The following CFAP61 variants were observed in gnomAD, a reference collection of about 807,000 sequenced individuals.
CFAP61 encodes the protein cilia and flagella associated protein 61.
A neutral mutation model predicts 135.6 loss-of-function variants in CFAP61; 107 were observed. The ratio of observed to expected loss-of-function variants is 0.79; its 90% CI spans 0.67 to 0.93. CFAP61 has a LOEUF of 0.93. Among genes scored for constraint, CFAP61 ranks in the 40% least tolerant of loss-of-function variants. The pLI is 0.00. For missense variants in CFAP61, 1,507 were observed against 1,556.2 expected (o/e 0.97, Z 0.53); for synonymous variants, 575 against 578.5 (o/e 0.99, Z 0.09).
chr20:20,090,844 G>T lies in CFAP61; in HGVS notation c.567G>T (p.Arg189Ser), dbSNP rs776491977. ...HYPQLHVRKA[R>S]VEDHDDLMPI... Reference sequence around the variant, plus strand: ...GAACTTCAGCCTTTCTATTAAACAGGGTGGAAGACCATGACGATCTCATGC... The same window carrying T: ...GAACTTCAGCCTTTCTATTAAACAGTGTGGAAGACCATGACGATCTCATGC... The change falls in exon 7 of 27, where the codon AGG becomes AGT. Residue 189 changes from arginine to serine, a missense_variant and splice_region_variant. By Grantham distance (110) the Arg-to-Ser change is moderately radical. Transcript: ENST00000245957. The T allele has an allele frequency of 7.4e-6, 12 of 1,613,964 alleles. No homozygotes were observed. The highest frequency in any genetic ancestry group is 2.5e-6 in the Non-Finnish European group (3 of 1,179,984).
chr20:20,159,122 A>C (rs903453140), intron 9 of CFAP61, among the ~76,000 whole-genome samples: 1 of 152,244 alleles, frequency 6.6e-6, no homozygotes, highest in Non-Finnish European at 1.5e-5. Context: ...AGGCACCTGC[A>C]CTATGCAAAG....
intron 13 of CFAP61, chr20:20,172,165 T>TA: frequency 1.2e-6 from 1 of 856,900 alleles, no homozygotes; most frequent in Non-Finnish European, 1.4e-6. Flanking sequence ...ATCTAGTTTT[T>TA]ATCTTGTGTA....
chr20:20,058,164 C>T (rs1214480485), intron 2 of CFAP61, among the ~76,000 whole-genome samples: 1 of 152,054 alleles, frequency 6.6e-6, no homozygotes, highest in Non-Finnish European at 1.5e-5. Context: ...CTAATTACCC[C>T]CCTGATGAAT....
chr20:20,144,050 C>T (rs115146811), intron 9 of CFAP61, among the ~76,000 whole-genome samples: 89 of 152,236 alleles, frequency 5.8e-4, no homozygotes, highest in African/African-American at 1.9e-3. Context: ...GAGAGGGCAC[C>T]GCTCCAGTCC....
At chr20:20,085,805 G>A (rs766015651) in intron 6 of CFAP61, among the ~76,000 whole-genome samples, 6 of 152,132 alleles carry the variant, frequency 3.9e-5, no homozygotes, top group Non-Finnish European at 7.4e-5. Context: ...TTGGCAAAAC[G>A]TTTGAAAATG....
At chr20:20,279,500 G>A (rs897802621) in intron 22 of CFAP61, among the ~76,000 whole-genome samples, 1 of 152,122 alleles carries the variant, frequency 6.6e-6, no homozygotes, top group African/African-American at 2.4e-5. Flanking sequence ...TCATTAGGTG[G>A]AAGTGGATCA....
chr20:20,342,518 C>G (rs2058482938), intron 26 of CFAP61, among the ~76,000 whole-genome samples: 1 of 152,216 alleles, frequency 6.6e-6, no homozygotes, highest in South Asian at 2.1e-4. Context: ...GAATCTCTAG[C>G]AGAACTGTGG....
At chr20:20,163,431 G>A (rs2053561483) in intron 10 of CFAP61, among the ~76,000 whole-genome samples, 1 of 151,992 alleles carries the variant, frequency 6.6e-6, no homozygotes, top group African/African-American at 2.4e-5. Flanking sequence ...AACAGCTTTG[G>A]GGACAGAGGG....
Position 20,052,542 on chromosome 20 carries a change from T to C in CFAP61, c.-86T>C. 6.2e-7 allele frequency: 1 copy of C among 1,614,154 alleles called. No individual in the cohort carries two copies. Among genetic ancestry groups the C allele is most frequent in the East Asian group, 2.2e-5 (1 of 44,864 alleles). On this transcript the variant is annotated 5_prime_UTR_variant, in exon 1 of 27. Coordinates refer to ENST00000245957, the MANE Select transcript of CFAP61 (RefSeq NM_015585.4). ...GTTTCCATGGTGACCAGGCTGCGCG[T>C]CCTCCTTGCGGCAGCGCGTGGAGTG... is the stretch of plus-strand genomic sequence containing the variant.
chr20:20,217,380 T>A (rs1180871613), intron 17 of CFAP61, among the ~76,000 whole-genome samples: 1 of 152,188 alleles, frequency 6.6e-6, no homozygotes, highest in African/African-American at 2.4e-5. Flanking sequence ...GAGGCACACA[T>A]TAGAAATTTA....
chr20:20,082,763 G>T (rs1423278023), intron 6 of CFAP61, among the ~76,000 whole-genome samples: 1 of 152,098 alleles, frequency 6.6e-6, no homozygotes, highest in East Asian at 1.9e-4. Context: ...TAATCATCAG[G>T]GAAATGCAAA....
intron 22 of CFAP61, among the ~76,000 whole-genome samples, chr20:20,279,442 G>T (rs1307487092): frequency 6.6e-6 from 1 of 152,074 alleles, no homozygotes; most frequent in Non-Finnish European, 1.5e-5. Context: ...CTAGAGAAAA[G>T]AAAATGTTAT....
At position 20,341,814 on chromosome 20, in the gene CFAP61, T is replaced by C; in HGVS notation, c.3423-17T>C. The C allele has an allele frequency of 2.5e-6, 4 of 1,598,648 alleles. No individual in the cohort carries two copies. The highest frequency in any genetic ancestry group is 3.4e-6 in the Non-Finnish European group (4 of 1,167,956). ...GAGAGGGTTGCCAGCTCACTGAGTCTCTTCTTTCCTTACCAGCTACTTCAC... is the reference window on the plus strand; with the variant it reads ...GAGAGGGTTGCCAGCTCACTGAGTCCCTTCTTTCCTTACCAGCTACTTCAC... On this transcript the variant is annotated splice_polypyrimidine_tract_variant and intron_variant, in intron 25 of 26. Transcript: ENST00000245957.
At chr20:20,319,352 AT>A (rs749693764) in intron 25 of CFAP61, among the ~76,000 whole-genome samples, 5 of 152,194 alleles carry the variant, frequency 3.3e-5, no homozygotes, top group Non-Finnish European at 7.3e-5. Flanking sequence ...CCAAACAATA[AT>A]TCTATTACTG....
intron 8 of CFAP61, among the ~76,000 whole-genome samples, chr20:20,118,685 A>C (rs1286731705): frequency 6.6e-6 from 1 of 151,926 alleles, no homozygotes; most frequent in Non-Finnish European, 1.5e-5. Flanking sequence ...GAAGGTTTTT[A>C]TCATAAAGGG....
rs1489276651 is a variant in CFAP61, at chr20:20,164,084, A to T, written c.1061A>T (p.Tyr354Phe). The T allele has an allele frequency of 1.2e-6, 2 of 1,613,698 alleles. No individual in the cohort carries two copies. The highest frequency in any genetic ancestry group is 2.7e-5 in the African/African-American group (2 of 74,890). The change falls in exon 11 of 27, where the codon TAT becomes TTT. Residue 354 changes from tyrosine to phenylalanine, a missense_variant. Coordinates refer to ENST00000245957, the MANE Select transcript of CFAP61 (RefSeq NM_015585.4). ...IEKLSDISTG[Y>F]AQYHHVSSRS... ...AAACTCAGTGACATCTCCACTGGAT[A>T]TGCACAGTATCACCATGTCAGCAGT...
intron 19 of CFAP61, among the ~76,000 whole-genome samples, chr20:20,247,374 C>T (rs1048745432): frequency 2.0e-5 from 3 of 152,152 alleles, no homozygotes; most frequent in Non-Finnish European, 4.4e-5. Context: ...GCAGGTGTGA[C>T]GCTGCGTGGG....
intron 8 of CFAP61, among the ~76,000 whole-genome samples, chr20:20,109,022 T>C: frequency 6.6e-6 from 1 of 152,218 alleles, no homozygotes; most frequent in Non-Finnish European, 1.5e-5. Context: ...GAACAGTTGC[T>C]CAGTCTTTCC....
At position 20,197,745 on chromosome 20, in the gene CFAP61, C is replaced by T. The variant is rs531799885; in HGVS notation, c.1797+969C>T. On this transcript the variant is annotated intron_variant, in intron 16 of 26. Transcript: ENST00000245957. Reference sequence around the variant, plus strand: ...TTTTCCTGAAAATTGGTCTCTCAGTCACTGACAACATTGGTCCTCAACTTG... The same window carrying T: ...TTTTCCTGAAAATTGGTCTCTCAGTTACTGACAACATTGGTCCTCAACTTG... 1.6e-4 allele frequency among the ~76,000 whole-genome samples: 25 copies of T among 152,210 alleles called. No homozygotes were observed. The South Asian group carries it at 3.7e-3, about 23-fold the overall frequency.
Sources: allele counts gnomAD v4.1 joint callset (sites outside exome capture counted in the v4.1 genomes callset), GRCh38; gene constraint gnomAD v4.1.1; transcripts MANE v1.5; gene names NCBI Gene and HGNC (gene_info 2026-07-23, HGNC 2026-07-21).